Variants in ANTXR1 observed in about 807,000 individuals in gnomAD.
The protein encoded by ANTXR1 is anthrax toxin receptor 1.
ANTXR1 carries 19 observed loss-of-function variants against 78.1 expected under a neutral mutation model. The ratio of observed to expected loss-of-function variants is 0.24; its 90% CI spans 0.17 to 0.36. The LOEUF (loss-of-function observed/expected upper bound fraction) is 0.36, where lower values mean the gene tolerates loss of function less well. ANTXR1 is among the 10% of genes least tolerant of loss of function. The pLI, the probability that ANTXR1 is intolerant of heterozygous loss-of-function variation, is 1.00. For synonymous variants in ANTXR1, 273 were observed against 260.5 expected, an observed-to-expected ratio of 1.05 and a Z score of -0.46; for missense variants, 518 against 718.6, an observed-to-expected ratio of 0.72 and a Z score of 3.19.
intron 10 of ANTXR1, among the ~76,000 whole-genome samples, chr2:69,117,423 G>A (rs1354640867): frequency 3.9e-5 from 6 of 152,274 alleles, no homozygotes; most frequent in South Asian, 2.1e-4. Context: ...AAATGAGATC[G>A]TGGGTATATG....
chr2:69,027,955 A>T (rs902313991), intron 1 of ANTXR1, among the ~76,000 whole-genome samples: 10 of 152,168 alleles, frequency 6.6e-5, no homozygotes, highest in African/African-American at 2.2e-4. Context: ...ATATGGAAAA[A>T]TTTAAAGTCA....
chr2:69,218,835 C>T (rs34468612), intron 17 of ANTXR1, among the ~76,000 whole-genome samples: 46,143 of 151,938 alleles, frequency 0.3, 8,299 homozygotes, highest in Non-Finnish European at 0.41. Context: ...ATATCCCTGC[C>T]CCACCTAGAC....
At chr2:69,121,214 C>G (rs985153969) in intron 10 of ANTXR1, among the ~76,000 whole-genome samples, 1 of 152,214 alleles carries the variant, frequency 6.6e-6, no homozygotes, top group African/African-American at 2.4e-5. Context: ...GGTACTTTAT[C>G]TGTTTCGTTC....
At chr2:69,162,673 G>A (rs1336453618) in intron 13 of ANTXR1, among the ~76,000 whole-genome samples, 1 of 152,158 alleles carries the variant, frequency 6.6e-6, no homozygotes, top group African/African-American at 2.4e-5. Flanking sequence ...AAAGACCAGA[G>A]AAAGGATGAG....
intron 3 of ANTXR1, among the ~76,000 whole-genome samples, chr2:69,063,956 C>CA (rs1304196613): frequency 3.3e-5 from 5 of 150,420 alleles, no homozygotes; most frequent in Admixed American, 2.0e-4. Context: ...GATGAAATAC[C>CA]AAAAAATACA....
chr2:69,060,207 T>C (rs1448624206), intron 3 of ANTXR1, among the ~76,000 whole-genome samples: 1 of 152,178 alleles, frequency 6.6e-6, no homozygotes, highest in African/African-American at 2.4e-5. Context: ...TGCTCTTTTG[T>C]TCCCAGTTCA....
chr2:69,116,294 G>C (rs1672142477), intron 10 of ANTXR1, among the ~76,000 whole-genome samples: 1 of 152,184 alleles, frequency 6.6e-6, no homozygotes, highest in African/African-American at 2.4e-5. Context: ...TGGGCAATCA[G>C]TCATCTCCAT....
intron 17 of ANTXR1, 49 bp downstream of exon 17, chr2:69,193,464 TACACACACACAC>T (rs70954338): frequency 2.4e-5 from 26 of 1,074,116 alleles, no homozygotes; most frequent in Non-Finnish European, 3.6e-5. Flanking sequence ...CTCTCTCACA[TACACACACACAC>T]ACACACACAC....
At position 69,124,590 on chromosome 2, in the gene ANTXR1, A is replaced by G. The variant is rs760621421; in HGVS notation, c.898A>G (p.Asn300Asp). ...GAAAGCTGCACTCCAGGTCAGCATG[A>G]ACGATGGCCTCTCTTTTATCTCCAG... ...GMKAALQVSMNDGLSFISSSV... is the reference protein window; with the variant it reads ...GMKAALQVSMDDGLSFISSSV... The change falls in exon 12 of 18, where the codon AAC (asparagine) becomes GAC (aspartate). Residue 300 changes from asparagine to aspartate, a missense_variant. Asn to Asp is a conservative substitution (Grantham distance 23, BLOSUM62 1). Around this residue, in one of 5 missense-constraint regions of ANTXR1, gnomAD observed 264 missense variants for 391.8 expected, o/e 0.67. Coordinates refer to ENST00000303714, the MANE Select transcript of ANTXR1 (RefSeq NM_032208.3). 1 of 1,614,208 alleles carries G rather than the reference A, an allele frequency of 6.2e-7. No homozygotes were observed. Among genetic ancestry groups the G allele is most frequent in the Non-Finnish European group, 8.5e-7 (1 of 1,180,028 alleles).
chr2:69,209,808 C>T (rs148287338), intron 17 of ANTXR1, among the ~76,000 whole-genome samples: 4 of 152,312 alleles, frequency 2.6e-5, no homozygotes, highest in African/African-American at 7.2e-5. Flanking sequence ...GATGGCCATG[C>T]AGGCAGGCTT....
chr2:69,096,663 AT>A (rs1671440123), intron 9 of ANTXR1, among the ~76,000 whole-genome samples: 1 of 152,184 alleles, frequency 6.6e-6, no homozygotes, highest in Non-Finnish European at 1.5e-5. Context: ...TTCATACTGC[AT>A]TTTTTAACTT....
intron 17 of ANTXR1, among the ~76,000 whole-genome samples, chr2:69,231,239 AT>A (rs1437423991): frequency 6.6e-6 from 1 of 152,200 alleles, no homozygotes; most frequent in Non-Finnish European, 1.5e-5. Context: ...GCAGGATAAT[AT>A]CCAGAGGACA....
At chr2:69,224,113 TAC>T (rs565506708) in intron 17 of ANTXR1, among the ~76,000 whole-genome samples, 80 of 152,330 alleles carry the variant, frequency 5.3e-4, no homozygotes, top group Non-Finnish European at 8.2e-4. Flanking sequence ...CCTGTACTGA[TAC>T]AGATTCCAGT....
intron 12 of ANTXR1, among the ~76,000 whole-genome samples, chr2:69,128,435 T>C (rs1030436453): frequency 1.3e-5 from 2 of 152,208 alleles, no homozygotes; most frequent in African/African-American, 4.8e-5. Context: ...TTAACTAATT[T>C]GAGATTCTTC....
At chr2:69,236,009 A>G (rs1675755365) in intron 17 of ANTXR1, among the ~76,000 whole-genome samples, 1 of 152,182 alleles carries the variant, frequency 6.6e-6, no homozygotes, top group Non-Finnish European at 1.5e-5. Context: ...ACTGCCCTTT[A>G]TAAAACCATC....
intron 1 of ANTXR1, among the ~76,000 whole-genome samples, chr2:69,037,412 G>A (rs1669472842): frequency 6.6e-6 from 1 of 152,186 alleles, no homozygotes; most frequent in Admixed American, 6.5e-5. Flanking sequence ...TATGCATAAG[G>A]TAGTGAGTCC....
intron 1 of ANTXR1, among the ~76,000 whole-genome samples, chr2:69,019,808 C>A (rs1312297259): frequency 8.7e-6 from 1 of 115,172 alleles, no homozygotes; most frequent in East Asian, 3.7e-4. Context: ...GTTTAGCTCC[C>A]ACTTAACAAG....
intron 17 of ANTXR1, among the ~76,000 whole-genome samples, chr2:69,241,091 G>C (rs1573999286): frequency 6.6e-6 from 1 of 152,318 alleles, no homozygotes; most frequent in South Asian, 2.1e-4. Context: ...TGAGGATGCT[G>C]AGGTAAACTG....
intron 6 of ANTXR1, among the ~76,000 whole-genome samples, chr2:69,075,195 A>G (rs962776306): frequency 6.6e-6 from 1 of 152,208 alleles, no homozygotes; most frequent in Non-Finnish European, 1.5e-5. Flanking sequence ...AAACTCAACT[A>G]TATCAAGTTC....
Sources: gnomAD v4.1 joint callset for allele counts (sites outside exome capture counted in the v4.1 genomes callset) on GRCh38, gnomAD v4.1.1 for gene constraint, gnomAD v4.1.1 regional missense constraint, MANE v1.5 for transcripts, NCBI Gene and HGNC (gene_info 2026-07-23, HGNC 2026-07-21) for gene names.